The following TNFRSF9 variants were observed in gnomAD, a reference collection of about 807,000 sequenced individuals.
The protein encoded by TNFRSF9 is TNF receptor superfamily member 9, also known as tumor necrosis factor receptor superfamily member 9.
Under a neutral mutation model 28.8 loss-of-function variants are expected in TNFRSF9, and 16 were observed. The ratio of observed to expected loss-of-function variants is 0.55; its 90% CI spans 0.38 to 0.84. TNFRSF9 has a LOEUF of 0.84. Among genes scored for constraint, TNFRSF9 ranks in the 40% least tolerant of loss-of-function variants. The pLI is 0.00. For missense variants in TNFRSF9, 303 were observed against 315.0 expected (o/e 0.96, Z 0.29); for synonymous variants, 131 against 117.0 (o/e 1.12, Z -0.77).
chr1:7,926,856 A>G (rs1639663951), intron 7 of TNFRSF9, among the ~76,000 whole-genome samples: 1 of 152,194 alleles, frequency 6.6e-6, no homozygotes, highest in Non-Finnish European at 1.5e-5. Context: ...GAGCAATTGG[A>G]CGTCCATAGT....
chr1:7,932,016 G>A (rs1307509896), intron 7 of TNFRSF9, among the ~76,000 whole-genome samples: 1 of 152,166 alleles, frequency 6.6e-6, no homozygotes, highest in Non-Finnish European at 1.5e-5. Flanking sequence ...GGTGGCGCAT[G>A]CCTGTAATGC....
chr1:7,937,846 C>T (rs140446116), intron 4 of TNFRSF9, 90 bp from the exon 5 acceptor site: 1 of 1,130,880 alleles, frequency 8.8e-7, no homozygotes, highest in East Asian at 2.4e-5. Context: ...AAGTCATTAC[C>T]ATAATGCAAT....
At chr1:7,930,923 G>A (rs892637187) in intron 7 of TNFRSF9, among the ~76,000 whole-genome samples, 2 of 152,152 alleles carry the variant, frequency 1.3e-5, no homozygotes, top group African/African-American at 4.8e-5. Context: ...CTTCCTATAC[G>A]TTAGTAAGAA....
chr1:7,920,916 C>T lies in TNFRSF9; in HGVS notation c.687G>A (p.Met229Ile), dbSNP rs367584804. The change falls in exon 8 of 8, where the codon ATG becomes ATA. Residue 229 changes from methionine to isoleucine, a missense_variant. Met to Ile is a conservative substitution (Grantham distance 10). Coordinates refer to ENST00000377507, the MANE Select transcript of TNFRSF9 (RefSeq NM_001561.6). Reference sequence around the variant, plus strand: ...CCTCTTGAGTAGTTTGTACTGGTCTCATAAATGCTAAAAAAAAAATTTTAA... The same window carrying T: ...CCTCTTGAGTAGTTTGTACTGGTCTTATAAATGCTAAAAAAAAAATTTTAA... ...KLLYIFKQPF[M>I]RPVQTTQEED... The T allele has an allele frequency of 1.2e-6, 2 of 1,609,248 alleles. No individual in the cohort carries two copies. Among genetic ancestry groups the T allele is most frequent in the South Asian group, 1.1e-5 (1 of 89,942 alleles).
chr1:7,922,793 C>G (rs1029044889), intron 7 of TNFRSF9, among the ~76,000 whole-genome samples: 1 of 151,570 alleles, frequency 6.6e-6, no homozygotes, highest in East Asian at 2.0e-4. Flanking sequence ...GCCTGGGCAA[C>G]AGAGCAAGAC....
intron 7 of TNFRSF9, 121 bp downstream of exon 7, chr1:7,933,041 G>C: frequency 8.1e-7 from 1 of 1,240,356 alleles, no homozygotes; most frequent in Non-Finnish European, 1.1e-6. Flanking sequence ...AATTGCCCCT[G>C]CGTGATAGCC....
At chr1:7,934,869 A>C in intron 6 of TNFRSF9, 144 bp downstream of exon 6, 1 of 1,068,468 alleles carries the variant, frequency 9.4e-7, no homozygotes, top group South Asian at 1.6e-5. Context: ...TGGGAAGAAA[A>C]CTGCTGGGTC....
intron 6 of TNFRSF9, among the ~76,000 whole-genome samples, 166 bp downstream of exon 6, chr1:7,934,847 A>C (rs1375304869): frequency 6.6e-6 from 1 of 152,262 alleles, no homozygotes; most frequent in Non-Finnish European, 1.5e-5. Context: ...CTCAGACTGA[A>C]TAACAAATGC....
intron 4 of TNFRSF9, among the ~76,000 whole-genome samples, 169 bp from the exon 5 acceptor site, chr1:7,937,925 T>C (rs1423945479): frequency 2.6e-5 from 4 of 152,250 alleles, no homozygotes; most frequent in Non-Finnish European, 5.9e-5. Context: ...TAATTGTACA[T>C]AAAGTATTGT....
At chr1:7,930,159 C>T (rs189672833) in intron 7 of TNFRSF9, among the ~76,000 whole-genome samples, 4 of 151,750 alleles carry the variant, frequency 2.6e-5, no homozygotes, top group East Asian at 1.9e-4. Flanking sequence ...TTAGTAGAGA[C>T]GGGGTTTCAC....
chr1:7,929,509 T>G (rs1639703635), intron 7 of TNFRSF9, among the ~76,000 whole-genome samples: 1 of 152,082 alleles, frequency 6.6e-6, no homozygotes, highest in Admixed American at 6.6e-5. Context: ...TTTACATCCC[T>G]GAATACACCC....
intron 7 of TNFRSF9, among the ~76,000 whole-genome samples, chr1:7,926,929 T>C (rs760730904): frequency 5.9e-5 from 9 of 151,992 alleles, no homozygotes; most frequent in African/African-American, 1.4e-4. Context: ...ACGAAAAATT[T>C]AAAACGAATC....
In TNFRSF9 at chr1:7,920,846, A is replaced by T. The variant is rs772691718; in HGVS notation, c.757T>A (p.Cys253Ser). The change falls in exon 8 of 8, where the codon TGT becomes AGT. Residue 253 changes from cysteine to serine, a missense_variant. Physicochemically the swap from Cys to Ser is moderately radical, Grantham distance 112. Coordinates refer to ENST00000377507, the MANE Select transcript of TNFRSF9 (RefSeq NM_001561.6). ...TATTGACTTCCATTTCACAGTTCACATCCTCCTTCTTCTTCTTCTGGAAAT... is the reference window on the plus strand; with the variant it reads ...TATTGACTTCCATTTCACAGTTCACTTCCTCCTTCTTCTTCTTCTGGAAAT... The part of the protein sequence containing the change: ...CRFPEEEEGG[C>S]EL 1.2e-5 allele frequency: 20 copies of T among 1,613,188 alleles called. 1 individual carries two copies. In the South Asian group the frequency reaches 2.1e-4, roughly 17 times the overall value.
chr1:7,929,610 T>G (rs923614406), intron 7 of TNFRSF9, among the ~76,000 whole-genome samples: 1 of 152,192 alleles, frequency 6.6e-6, no homozygotes, highest in East Asian at 1.9e-4. Flanking sequence ...ACATACCATA[T>G]GATTCTATTT....
chr1:7,917,979 TATAGATAG>T lies in TNFRSF9; in HGVS notation c.*2848_*2855del, dbSNP rs1553339326. ...GGATATATATATATATATATATAGA[TATAGATAG>T]ATAGATAGATAGATAGGCAGAATTT... On this transcript the variant is annotated 3_prime_UTR_variant, in exon 8 of 8. Transcript: ENST00000377507. 21 of 131,014 alleles carry T rather than the reference TATAGATAG, an allele frequency of 1.6e-4. No individual in the cohort carries two copies. Among genetic ancestry groups the T allele is most frequent in the Admixed American group, 1.1e-3 (11 of 10,404 alleles). 8.1% of individuals were successfully genotyped at this position (131,014 alleles called of 1,614,324 possible). A position where few individuals can be genotyped will look rare whatever the true frequency, so the allele number is the denominator to read the frequency against.
At position 7,939,817 on chromosome 1, in the gene TNFRSF9, G is replaced by A. The variant is rs1048991867; in HGVS notation, c.100+78C>T. The A allele has an allele frequency of 9.1e-6, 10 of 1,102,966 alleles. No homozygotes were observed. The South Asian group carries it at 1.3e-4, about 14-fold the overall frequency. The allele number at this position is 1,102,966 out of a possible 1,614,324, so 68.3% of individuals were successfully genotyped here. A position where few individuals can be genotyped will look rare whatever the true frequency, so the allele number is the denominator to read the frequency against. ...TTTTCCTTTCCTTAAAAGGGAGCTC[G>A]TTAGCCCTGACTACTAGACTAACTG... On this transcript the variant is annotated intron_variant, in intron 2 of 7. Coordinates refer to ENST00000377507, the MANE Select transcript of TNFRSF9 (RefSeq NM_001561.6).
chr1:7,937,570 G>GTA lies in TNFRSF9; in HGVS notation c.413+118_413+119dup, dbSNP rs1365835809. On this transcript the variant is annotated intron_variant, in intron 5 of 7. Transcript: ENST00000377507. Reference sequence around the variant, plus strand: ...CACAGTGTTCCCACGCTGCCTATTAGTATGTTACATTCTGTCTACACTTGA... The same window carrying GTA: ...CACAGTGTTCCCACGCTGCCTATTAGTATATGTTACATTCTGTCTACACTTGA... 4 of 737,958 alleles carry GTA rather than the reference G, an allele frequency of 5.4e-6. No individual in the cohort carries two copies. In the African/African-American group the frequency reaches 7.1e-5, roughly 13 times the overall value. The allele number at this position is 737,958 out of a possible 1,614,324, so 45.7% of individuals were successfully genotyped here.
At chr1:7,923,754 C>T (rs1639596518) in intron 7 of TNFRSF9, among the ~76,000 whole-genome samples, 1 of 152,112 alleles carries the variant, frequency 6.6e-6, no homozygotes, top group African/African-American at 2.4e-5. Flanking sequence ...GGGAGGATCA[C>T]TTGAGCCCAG....
chr1:7,921,061 C>T (rs1330973307), intron 7 of TNFRSF9, 138 bp from the exon 8 acceptor site: 11 of 641,046 alleles, frequency 1.7e-5, no homozygotes, highest in Admixed American at 2.7e-5. Flanking sequence ...CTCAGCCAGG[C>T]GTGGTGGCTC....
Sources: gnomAD v4.1 joint callset for allele counts (sites outside exome capture counted in the v4.1 genomes callset) on GRCh38, gnomAD v4.1.1 for gene constraint, MANE v1.5 for transcripts, NCBI Gene and HGNC (gene_info 2026-07-23, HGNC 2026-07-21) for gene names.